The following CCN6 variants were observed in gnomAD, a reference collection of about 807,000 sequenced individuals.
CCN6 encodes CCN family member 6.
In CCN6, 31 loss-of-function variants were observed where a neutral mutation model predicts 37.4. The observed-to-expected ratio is 0.83, with a 90% CI of 0.62 to 1.12. The LOEUF is 1.12. Ranked by LOEUF, CCN6 falls within the 50% of genes most tolerant of loss-of-function variation. CCN6 has a pLI of 0.00. For synonymous variants in CCN6, 137 were observed against 142.1 expected, an observed-to-expected ratio of 0.96 and a Z score of 0.26; for missense variants, 369 against 413.8, an observed-to-expected ratio of 0.89 and a Z score of 0.94.
intron 4 of CCN6, among the ~76,000 whole-genome samples, chr6:112,068,906 C>G (rs1380106125): frequency 6.6e-6 from 1 of 152,034 alleles, no homozygotes; most frequent in African/African-American, 2.4e-5. Context: ...CCTTCTACCC[C>G]AAAGTTATTC....
At chr6:112,065,610 G>GCACACA (rs782694395) in intron 3 of CCN6, among the ~76,000 whole-genome samples, 167 of 141,220 alleles carry the variant, frequency 1.2e-3, no homozygotes, top group African/African-American at 4.3e-3. Flanking sequence ...AAACACACAC[G>GCACACA]CACACACACA....
chr6:112,061,648 T>C (rs1480560328), intron 2 of CCN6, among the ~76,000 whole-genome samples: 1 of 152,110 alleles, frequency 6.6e-6, no homozygotes, highest in Non-Finnish European at 1.5e-5. Context: ...GCCTTTTCTG[T>C]AACAAAAAAT....
At chr6:112,052,830 C>T (rs1263930842), upstream of CCN6, among the ~76,000 whole-genome samples, 1 of 152,052 alleles carries the variant, frequency 6.6e-6, no homozygotes, top group Non-Finnish European at 1.5e-5. Context: ...TTTAATGACT[C>T]CTTAGTAAGC....
At chr6:112,066,826 C>T (rs1554314065) in intron 3 of CCN6, 2 of 544,268 alleles carry the variant, frequency 3.7e-6, no homozygotes, top group Non-Finnish European at 2.9e-6. Flanking sequence ...TTTCAATGCT[C>T]ACCAAACACT....
intron 2 of CCN6, among the ~76,000 whole-genome samples, chr6:112,063,695 C>T (rs1554313293): frequency 6.6e-6 from 1 of 152,154 alleles, no homozygotes; most frequent in Admixed American, 6.5e-5. Flanking sequence ...AAGTGACAGG[C>T]TCAGTTTGCT....
In CCN6 at chr6:112,069,472, T is replaced by C. The variant is rs1424979587; in HGVS notation, c.917T>C (p.Ile306Thr). 6.2e-7 allele frequency: 1 copy of C among 1,613,664 alleles called. No individual in the cohort carries two copies. The highest frequency in any genetic ancestry group is 8.5e-7 in the Non-Finnish European group (1 of 1,179,866). The change falls in exon 5 of 5, where the codon ATC (isoleucine) becomes ACC (threonine). Residue 306 changes from isoleucine (I) to threonine (T), a missense_variant. Transcript: ENST00000368666. ...ATATGCTTGGATAAGAGATGCTGTA[T>C]CCCTAATAAGTCTAAAATGATTACT... ...CGICLDKRCC[I>T]PNKSKMITIQ... is the part of the protein sequence containing the mutation.
At position 112,069,380 on chromosome 6, in the gene CCN6, C is replaced by T; in HGVS notation, c.825C>T (p.Ser275=). The change falls in exon 5 of 5, where the codon TCC becomes TCT. Residue 275 remains serine (S), a synonymous_variant. Transcript: ENST00000368666. ...CATGCCAACCTACTTTCCAACTCTC[C>T]AAAGCTGAAAAATTTGTCTTTTCTG... ...GKTCQPTFQL[S]KAEKFVFSGC... is the part of the protein sequence containing the mutation. 6.2e-7 allele frequency: 1 copy of T among 1,613,564 alleles called. No homozygotes were observed.
chr6:112,058,886 A>C (rs1301243866), intron 1 of CCN6, among the ~76,000 whole-genome samples: 2 of 152,232 alleles, frequency 1.3e-5, no homozygotes, highest in Non-Finnish European at 2.9e-5. Flanking sequence ...AGGGGACCTG[A>C]GTGGATGGTG....
intron 2 of CCN6, 117 bp downstream of exon 2, chr6:112,061,405 G>C (rs1554312863): frequency 7.6e-7 from 1 of 1,323,220 alleles, no homozygotes; most frequent in Non-Finnish European, 1.1e-6. Context: ...GGTGGGTTTA[G>C]TTTTCATGCA....
At position 112,061,121 on chromosome 6, in the gene CCN6, G is replaced by T. The variant is rs141505678; in HGVS notation, c.179G>T (p.Arg60Leu). The change falls in exon 2 of 5, where the codon CGT (arginine) becomes CTT (leucine). Residue 60 changes from arginine to leucine, a missense_variant. Arg to Leu is a moderately radical substitution (Grantham distance 102). Coordinates refer to ENST00000368666, the MANE Select transcript of CCN6 (RefSeq NM_198239.2). ...TGCAAATGCCCTCAGCAGAAGCCCC[G>T]TTGCCCTCCTGGAGTGAGCCTGGTG... ...WPCKCPQQKPRCPPGVSLVRD... is the reference protein window; with the variant it reads ...WPCKCPQQKPLCPPGVSLVRD... 1.2e-6 allele frequency: 2 copies of T among 1,614,140 alleles called. No individual in the cohort carries two copies. Among genetic ancestry groups the T allele is most frequent in the Non-Finnish European group, 1.7e-6 (2 of 1,180,024 alleles).
rs587639615 is a variant in CCN6, at chr6:112,069,270, T to C, written c.784-69T>C. 110 of 1,532,108 alleles carry C rather than the reference T, an allele frequency of 7.2e-5. 1 individual carries two copies. In the South Asian group the frequency reaches 9.7e-4, roughly 13 times the overall value. The allele number at this position is 1,532,108 out of a possible 1,614,324, so 94.9% of individuals were successfully genotyped here. A position where few individuals can be genotyped will look rare whatever the true frequency, so the allele number is the denominator to read the frequency against. Reference sequence around the variant, plus strand: ...AAATACTCAGATTTGTACTATAAACTATTCTACATGTTTTCAAAACTATTG... The same window carrying C: ...AAATACTCAGATTTGTACTATAAACCATTCTACATGTTTTCAAAACTATTG... On this transcript the variant is annotated intron_variant, in intron 4 of 4. Transcript: ENST00000368666.
chr6:112,053,934 G>C (rs1776271152), upstream of CCN6: 1 of 362,858 alleles, frequency 2.8e-6, no homozygotes, highest in South Asian at 2.3e-5. Flanking sequence ...GAGAGGACCC[G>C]GAGCAGGGCA....
chr6:112,057,219 G>T (rs1255027418), intron 1 of CCN6, among the ~76,000 whole-genome samples: 1 of 152,220 alleles, frequency 6.6e-6, no homozygotes, highest in African/African-American at 2.4e-5. Context: ...AGCTCAAGAG[G>T]TAGGCAGGAG....
intron 4 of CCN6, 71 bp from the exon 5 acceptor site, chr6:112,069,268 A>C: frequency 6.6e-7 from 1 of 1,523,410 alleles, no homozygotes; most frequent in Middle Eastern, 1.7e-4. Flanking sequence ...TGTACTATAA[A>C]CTATTCTACA....
chr6:112,068,857 C>A (rs1414193047), intron 4 of CCN6, among the ~76,000 whole-genome samples: 1 of 150,860 alleles, frequency 6.6e-6, no homozygotes, highest in African/African-American at 2.5e-5. Flanking sequence ...GGCAGTAAGT[C>A]TGTCTCAAAA....
intron 3 of CCN6, among the ~76,000 whole-genome samples, chr6:112,065,528 T>C (rs1272767346): frequency 6.6e-6 from 1 of 151,508 alleles, no homozygotes; most frequent in Admixed American, 6.6e-5. Context: ...TTTCCCTCAC[T>C]CTGAAATTGA....
chr6:112,053,334 T>TC (rs1776258288), upstream of CCN6, among the ~76,000 whole-genome samples: 2 of 150,884 alleles, frequency 1.3e-5, no homozygotes, highest in African/African-American at 4.9e-5. Context: ...CTCACTCTTG[T>TC]CCCCCAGGCT....
chr6:112,068,073 C>A (rs587606933), intron 3 of CCN6, 132 bp from the exon 4 acceptor site: 2 of 746,632 alleles, frequency 2.7e-6, no homozygotes, highest in South Asian at 2.6e-5. Context: ...ATTAGACCAT[C>A]GGCTTCTTTT....
In CCN6 at chr6:112,054,115, G is replaced by A; in HGVS notation, c.-243G>A. ...GAAAGTGCTCGCCCATTCCTGACCT[G>A]TGACACGCTCACTGCGAAGGCAGGT... is the stretch of plus-strand genomic sequence containing the variant. On this transcript the variant is annotated 5_prime_UTR_variant, in exon 1 of 5. The change creates a new upstream start codon in the 5' untranslated region. Transcript: ENST00000368666. The A allele has an allele frequency of 1.5e-6, 1 of 674,840 alleles. No homozygotes were observed. The highest frequency in any genetic ancestry group is 1.7e-5 in the South Asian group (1 of 60,324). 41.8% of individuals were successfully genotyped at this position (674,840 alleles called of 1,614,324 possible). A position where few individuals can be genotyped will look rare whatever the true frequency, so the allele number is the denominator to read the frequency against.
Sources: gnomAD v4.1 joint callset for allele counts (sites outside exome capture counted in the v4.1 genomes callset) on GRCh38, gnomAD v4.1.1 for gene constraint, MANE v1.5 for transcripts, NCBI Gene and HGNC (gene_info 2026-07-23, HGNC 2026-07-21) for gene names.